The following NFIC variants were observed in gnomAD, a reference collection of about 807,000 sequenced individuals.
NFIC encodes the protein nuclear factor I C, also known as nuclear factor 1 C-type.
A neutral mutation model predicts 54.4 loss-of-function variants in NFIC; 12 were observed. The ratio of observed to expected loss-of-function variants is 0.22; its 90% CI spans 0.14 to 0.36. NFIC has a LOEUF of 0.36. Among genes scored for constraint, NFIC ranks in the 10% least tolerant of loss-of-function variants. The pLI, the probability that NFIC is intolerant of heterozygous loss-of-function variation, is 1.00. For synonymous variants in NFIC, 322 were observed against 319.2 expected (o/e 1.01, Z -0.09); for missense variants, 575 against 718.2 (o/e 0.80, Z 2.28).
chr19:3,428,363 T>G (rs1302896855), intron 3 of NFIC, among the ~76,000 whole-genome samples: 2 of 148,646 alleles, frequency 1.3e-5, no homozygotes, highest in Admixed American at 1.3e-4. Flanking sequence ...GCAGGAGAAT[T>G]GCTTGAACCC....
chr19:3,440,306 A>T (rs2082273798), intron 6 of NFIC, among the ~76,000 whole-genome samples: 1 of 152,018 alleles, frequency 6.6e-6, no homozygotes, highest in Admixed American at 6.6e-5. Flanking sequence ...TGACAACCGT[A>T]AATGTCCCCA....
chr19:3,427,405 A>G (rs985754394), intron 3 of NFIC, among the ~76,000 whole-genome samples: 1 of 152,214 alleles, frequency 6.6e-6, no homozygotes, highest in African/African-American at 2.4e-5. Context: ...CTCAGGGCTT[A>G]GAATGGGGCC....
rs955574701 is a variant in NFIC, at chr19:3,382,120, G to A, written c.439G>A (p.Asp147Asn). Reference protein sequence around the residue: ...LFKGIPLESTDGERLVKAAQC... With the variant: ...LFKGIPLESTNGERLVKAAQC... ...CAAGGGCATCCCGCTGGAGAGCACC[G>A]ACGGCGAGCGCCTGGTCAAGGCTGC... is the stretch of plus-strand genomic sequence containing the variant. Residue 147 changes from aspartate (D) to asparagine (N), a missense_variant, in exon 2 of 11, where the codon GAC becomes AAC. Coordinates refer to ENST00000443272, the MANE Select transcript of NFIC (RefSeq NM_001245002.2). 2 of 1,613,342 alleles carry A rather than the reference G, an allele frequency of 1.2e-6. No individual in the cohort carries two copies. Among genetic ancestry groups the A allele is most frequent in the Non-Finnish European group, 1.7e-6 (2 of 1,179,962 alleles).
chr19:3,409,875 A>C (rs921405081), intron 2 of NFIC, among the ~76,000 whole-genome samples: 6 of 152,198 alleles, frequency 3.9e-5, no homozygotes, highest in African/African-American at 7.2e-5. Context: ...TGGGAAGTCA[A>C]GAGACCTGGC....
At chr19:3,415,730 C>A (rs1257189621) in intron 2 of NFIC, among the ~76,000 whole-genome samples, 2 of 152,152 alleles carry the variant, frequency 1.3e-5, no homozygotes, top group African/African-American at 4.8e-5. Context: ...CCCTAGACAG[C>A]AATCTTTGAT....
At position 3,434,329 on chromosome 19, in the gene NFIC, G is replaced by C. The variant is rs1363779792; in HGVS notation, c.762G>C (p.Gly254=). ...GPNFSLGELQ[G]HLAYDLNPAS... is the part of the protein sequence containing the mutation. ...ACTTCTCCCTGGGGGAGCTGCAGGG[G>C]CACCTGGCATACGACCTGAACCCAG... Residue 254 remains glycine, a synonymous_variant, in exon 5 of 11, where the codon GGG becomes GGC. Coordinates refer to ENST00000443272, the MANE Select transcript of NFIC (RefSeq NM_001245002.2). The C allele has an allele frequency of 6.2e-7, 1 of 1,613,288 alleles. No homozygotes were observed. The highest frequency in any genetic ancestry group is 8.5e-7 in the Non-Finnish European group (1 of 1,179,870).
intron 10 of NFIC, 132 bp downstream of exon 10, chr19:3,456,767 C>T (rs924035500): frequency 1.6e-5 from 14 of 870,644 alleles, no homozygotes; most frequent in Admixed American, 1.1e-4. Context: ...CCTCCCACAC[C>T]CCACCTGGGC....
At position 3,414,466 on chromosome 19, in the gene NFIC, G is replaced by A. The variant is rs1033944820; in HGVS notation, c.563-10640G>A. Among the ~76,000 whole-genome samples the A allele has an allele frequency of 2.6e-5, 4 of 152,078 alleles. No individual in the cohort carries two copies. The East Asian group carries it at 7.7e-4, about 29-fold the overall frequency. ...AAAAATTAGCTGGGCGTGGTGGCAC[G>A]TGCCTGTAGTCCCAGCTACTCTGGA... On this transcript the variant is annotated intron_variant, in intron 2 of 10. Coordinates refer to ENST00000443272, the MANE Select transcript of NFIC (RefSeq NM_001245002.2).
chr19:3,365,551 G>C (rs956803409), upstream of NFIC, among the ~76,000 whole-genome samples: 1 of 152,158 alleles, frequency 6.6e-6, no homozygotes, highest in Non-Finnish European at 1.5e-5. Flanking sequence ...TCTCTGCCCT[G>C]TTACGTCTAG....
chr19:3,419,042 G>T (rs2081911861), intron 2 of NFIC, among the ~76,000 whole-genome samples: 1 of 152,060 alleles, frequency 6.6e-6, no homozygotes, highest in Non-Finnish European at 1.5e-5. Context: ...GAGACAGAAA[G>T]TAGGTTGGCG....
chr19:3,366,534 C>CCG, upstream of NFIC: 1 of 361,260 alleles, frequency 2.8e-6, no homozygotes, highest in Non-Finnish European at 4.2e-6. Context: ...GGCCGCGGGG[C>CCG]GGGGGGGGGG....
At chr19:3,437,717 TTC>T (rs1483030038) in intron 6 of NFIC, among the ~76,000 whole-genome samples, 2 of 151,534 alleles carry the variant, frequency 1.3e-5, no homozygotes, top group African/African-American at 2.4e-5. Context: ...GAGACGGAGT[TTC>T]GCTCTTATCA....
At chr19:3,461,831 G>A (rs1048037161) in intron 10 of NFIC, among the ~76,000 whole-genome samples, 9 of 152,104 alleles carry the variant, frequency 5.9e-5, no homozygotes, top group East Asian at 5.8e-4. Context: ...CGAGGCGGGC[G>A]GATCACGAGG....
At position 3,469,002 on chromosome 19, in the gene NFIC, T is replaced by C. The variant is rs2082753415; in HGVS notation, c.*6233T>C. The C allele has an allele frequency of 6.6e-6, 1 of 151,622 alleles. No homozygotes were observed. The highest frequency in any genetic ancestry group is 2.4e-5 in the African/African-American group (1 of 41,176). The allele number at this position is 151,622 out of a possible 1,614,324, so 9.4% of individuals were successfully genotyped here. The stretch of plus-strand genomic sequence containing the variant: ...ATACTCCAATCATAACCTTGTATAT[T>C]ACGCAGTCATTTTGGTTTTCGCGGA... On this transcript the variant is annotated 3_prime_UTR_variant, in exon 11 of 11. Transcript: ENST00000443272.
At chr19:3,396,920 C>A (rs750425640) in intron 2 of NFIC, among the ~76,000 whole-genome samples, 1 of 152,160 alleles carries the variant, frequency 6.6e-6, no homozygotes, top group Non-Finnish European at 1.5e-5. Flanking sequence ...CGCGCCATTG[C>A]ACTCCAGCCT....
In NFIC at chr19:3,462,872, A is replaced by G; in HGVS notation, c.*103A>G. On this transcript the variant is annotated 3_prime_UTR_variant, in exon 11 of 11. Coordinates refer to ENST00000443272, the MANE Select transcript of NFIC (RefSeq NM_001245002.2). ...TTTTCGGTGGAAAATTAGAGTGAAC[A>G]AGAACACCCCTGCCGACTCCCAGCC... 1 of 1,603,006 alleles carries G rather than the reference A, an allele frequency of 6.2e-7. No homozygotes were observed. Among genetic ancestry groups the G allele is most frequent in the Non-Finnish European group, 8.5e-7 (1 of 1,176,710 alleles).
chr19:3,396,945 A>G (rs191311585), intron 2 of NFIC, among the ~76,000 whole-genome samples: 7 of 151,800 alleles, frequency 4.6e-5, no homozygotes, highest in African/African-American at 7.2e-5. Flanking sequence ...ACAGAGTGAG[A>G]CTCCATCTCA....
chr19:3,383,575 G>A lies in NFIC; in HGVS notation c.562+1332G>A, dbSNP rs550736461. ...GATGGGGCTATGGGAGGTTCCAGAA[G>A]ATCATGCGTGTAGCCACGTGCGAGG... On this transcript the variant is annotated intron_variant, in intron 2 of 10. Coordinates refer to ENST00000443272, the MANE Select transcript of NFIC (RefSeq NM_001245002.2). Among the ~76,000 whole-genome samples, 12 of 152,318 alleles carry A rather than the reference G, an allele frequency of 7.9e-5. No individual in the cohort carries two copies. In the East Asian group the frequency reaches 2.1e-3, roughly 27 times the overall value.
intron 3 of NFIC, among the ~76,000 whole-genome samples, chr19:3,429,218 C>G (rs148520304): frequency 4.4e-5 from 5 of 114,002 alleles, no homozygotes; most frequent in East Asian, 5.6e-4. Flanking sequence ...ATAGCAAGAC[C>G]CTATCTCTAC....
Sources: allele counts gnomAD v4.1 joint callset (sites outside exome capture counted in the v4.1 genomes callset), GRCh38; gene constraint gnomAD v4.1.1; transcripts MANE v1.5; gene names NCBI Gene and HGNC (gene_info 2026-07-23, HGNC 2026-07-21).